Variants in AGAP1 observed in about 807,000 individuals in gnomAD.
AGAP1 encodes the protein arf-GAP with GTPase, ANK repeat and PH domain-containing protein 1.
AGAP1 carries 29 observed loss-of-function variants against 105.3 expected under a neutral mutation model. The ratio of observed to expected loss-of-function variants is 0.28; its 90% confidence interval spans 0.21 to 0.38. The LOEUF (loss-of-function observed/expected upper bound fraction) is 0.38. Ranked by LOEUF, AGAP1 falls within the 10% of genes least tolerant of loss-of-function variation. AGAP1 has a pLI of 1.00. For missense variants in AGAP1, 998 were observed against 1,165.1 expected, an observed-to-expected ratio of 0.86 and a Z score of 2.09; for synonymous variants, 509 against 485.9, an observed-to-expected ratio of 1.05 and a Z score of -0.63.
chr2:235,903,953 T>A (rs1480378634), intron 10 of AGAP1, among the ~76,000 whole-genome samples: 1 of 151,942 alleles, frequency 6.6e-6, no homozygotes, highest in African/African-American at 2.4e-5. Flanking sequence ...CGCGTCCTTC[T>A]CCAAAGGCAG....
chr2:236,067,380 CTTT>C (rs2058374214), intron 16 of AGAP1, among the ~76,000 whole-genome samples: 1 of 152,070 alleles, frequency 6.6e-6, no homozygotes, highest in Non-Finnish European at 1.5e-5. Flanking sequence ...AATCACTACG[CTTT>C]TAAAGGAGAA....
At chr2:235,859,464 C>CG (rs1188262055) in intron 9 of AGAP1, among the ~76,000 whole-genome samples, 1 of 143,668 alleles carries the variant, frequency 7.0e-6, no homozygotes, top group Admixed American at 7.5e-5. Context: ...AAACGACACA[C>CG]TATTTTGGAT....
rs2055179946 is a variant in AGAP1, at chr2:235,983,450, C to T, written c.1645+14827C>T. ...TTTTCCTGTAAGACTGTCCTTGCTTCTCTTGTTTAATTTCTTTTTTCTTCT... is the reference window on the plus strand; with the variant it reads ...TTTTCCTGTAAGACTGTCCTTGCTTTTCTTGTTTAATTTCTTTTTTCTTCT... On this transcript the variant is annotated intron_variant, in intron 13 of 17. Coordinates refer to ENST00000304032, the MANE Select transcript of AGAP1 (RefSeq NM_001037131.3). This position sits in a 1 kb window ranked among gnomAD's most constrained non-coding sequence, Gnocchi z 4.5. Among the ~76,000 whole-genome samples, 1 of 152,158 alleles carries T rather than the reference C, an allele frequency of 6.6e-6. No homozygotes were observed.
chr2:235,535,269 C>T lies in AGAP1; in HGVS notation c.163+40420C>T, dbSNP rs1943173629. ...CCCTCGCTGCTGCCTCCCGTTTCAT[C>T]TGCACGTCTCTTTCAATGCGGGCGT... is the stretch of plus-strand genomic sequence containing the variant. On this transcript the variant is annotated intron_variant, in intron 1 of 17. Coordinates refer to ENST00000304032, the MANE Select transcript of AGAP1 (RefSeq NM_001037131.3). The surrounding 1 kb of genome is among the most constrained non-coding windows in gnomAD (Gnocchi z 5.1). Among the ~76,000 whole-genome samples, 1 of 152,164 alleles carries T rather than the reference C, an allele frequency of 6.6e-6. No homozygotes were observed. The highest frequency in any genetic ancestry group is 2.4e-5 in the African/African-American group (1 of 41,450).
At chr2:235,839,113 C>G (rs1960504925) in intron 9 of AGAP1, among the ~76,000 whole-genome samples, 1 of 152,222 alleles carries the variant, frequency 6.6e-6, no homozygotes, top group African/African-American at 2.4e-5. Context: ...GCCCATGCCA[C>G]TGCTCTCCCC....
In AGAP1 at chr2:235,790,631, A is replaced by G. The variant is rs1401660047; in HGVS notation, c.674-7128A>G. On this transcript the variant is annotated intron_variant, in intron 6 of 17. Transcript: ENST00000304032. ...CTTCACACTTGCCACTCTTCTCTGC[A>G]TATCAGGTCCTTAGAAATGCATTTC... Among the ~76,000 whole-genome samples, 8 of 152,204 alleles carry G rather than the reference A, an allele frequency of 5.3e-5. No homozygotes were observed. The East Asian group carries it at 9.6e-4, about 18-fold the overall frequency.
At chr2:235,856,492 G>A (rs2048690730) in intron 9 of AGAP1, among the ~76,000 whole-genome samples, 1 of 152,198 alleles carries the variant, frequency 6.6e-6, no homozygotes, top group Non-Finnish European at 1.5e-5. Flanking sequence ...GCTTAAACTT[G>A]GGCCCTTGAG....
At chr2:235,763,462 T>C (rs2696405) in intron 6 of AGAP1, among the ~76,000 whole-genome samples, 42,588 of 152,050 alleles carry the variant, frequency 0.28, 6,289 homozygotes, top group Admixed American at 0.41. Flanking sequence ...ATTTGGTTGG[T>C]TTTTTATCCC....
chr2:235,658,415 G>C (rs1050371013), intron 1 of AGAP1, among the ~76,000 whole-genome samples: 1 of 152,190 alleles, frequency 6.6e-6, no homozygotes, highest in Non-Finnish European at 1.5e-5. Flanking sequence ...AGAATGCTTC[G>C]GACGGGAAGA....
At position 235,596,064 on chromosome 2, in the gene AGAP1, T is replaced by C. The variant is rs1250238067; in HGVS notation, c.163+101215T>C. On this transcript the variant is annotated intron_variant, in intron 1 of 17. Coordinates refer to ENST00000304032, the MANE Select transcript of AGAP1 (RefSeq NM_001037131.3). The surrounding 1 kb of genome is among the most constrained non-coding windows in gnomAD (Gnocchi z 5.9). ...GAAAATCGCAGCCCTGTGAATTGTG[T>C]GCCCTAAGAGCCAGCTGTGCTCCTA... Among the ~76,000 whole-genome samples the C allele has an allele frequency of 1.3e-5, 2 of 152,218 alleles. No individual in the cohort carries two copies. The highest frequency in any genetic ancestry group is 2.9e-5 in the Non-Finnish European group (2 of 68,044).
intron 16 of AGAP1, among the ~76,000 whole-genome samples, chr2:236,066,485 C>A (rs2058349207): frequency 6.6e-6 from 1 of 152,160 alleles, no homozygotes. Context: ...GTCGGCCTCC[C>A]AAAGTGCTGG....
rs112968637 is a variant in AGAP1 at position 235,799,445 on chromosome 2, C to G, written c.880C>G (p.Arg294Gly). 1.9e-6 allele frequency: 3 copies of G among 1,614,116 alleles called. No individual in the cohort carries two copies. The highest frequency in any genetic ancestry group is 2.5e-6 in the Non-Finnish European group (3 of 1,180,032). ...STPSTSQKEL[R>G]IDVPPTANTP... ...TCCCAGCACCAGCCAGAAGGAACTT[C>G]GGATCGATGTTCCTCCCACTGCCAA... Residue 294 changes from arginine (R) to glycine (G), a missense_variant, in exon 8 of 18, where the codon CGG (arginine) becomes GGG (glycine). Around this residue, in one of 3 missense-constraint regions of AGAP1, gnomAD observed 735 missense variants for 833.4 expected, o/e 0.88. Transcript: ENST00000304032. This position sits in a 1 kb window ranked among gnomAD's most constrained non-coding sequence, Gnocchi z 5.0.
At chr2:235,500,987 C>T (rs1442493734) in intron 1 of AGAP1, among the ~76,000 whole-genome samples, 1 of 152,164 alleles carries the variant, frequency 6.6e-6, no homozygotes, top group Non-Finnish European at 1.5e-5. Flanking sequence ...AACCTTAACA[C>T]CAATCAAAGA....
chr2:235,908,817 G>A lies in AGAP1; in HGVS notation c.1235G>A (p.Arg412Gln), dbSNP rs761477169. The change falls in exon 11 of 18, where the codon CGA (arginine) becomes CAA (glutamine). Residue 412 changes from arginine to glutamine, a missense_variant. Arg to Gln is a conservative substitution (Grantham distance 43). Transcript: ENST00000304032. The surrounding 1 kb of genome is among the most constrained non-coding windows in gnomAD (Gnocchi z 4.4). ...AAAGTCCCAGGGAAGAGGCCACCCC[G>A]AGCCACGTCAGCCTGCGCACCCATC... ...TVKVPGKRPP[R>Q]ATSACAPISS... 6 of 1,613,824 alleles carry A rather than the reference G, an allele frequency of 3.7e-6. No individual in the cohort carries two copies. The highest frequency in any genetic ancestry group is 2.2e-5 in the South Asian group (2 of 91,044).
chr2:236,036,845 A>G lies in AGAP1; in HGVS notation c.1800+130A>G, dbSNP rs2057398278. The G allele has an allele frequency of 7.3e-7, 1 of 1,375,802 alleles. No individual in the cohort carries two copies. Among genetic ancestry groups the G allele is most frequent in the Non-Finnish European group, 9.7e-7 (1 of 1,031,792 alleles). 85.2% of individuals were successfully genotyped at this position (1,375,802 alleles called of 1,614,324 possible). ...CAGGACCTAGCTATTCTTTATGAGC[A>G]GAAAGCTCAATAACTAAAACGATCA... is the stretch of plus-strand genomic sequence containing the variant. On this transcript the variant is annotated intron_variant, in intron 14 of 17. Coordinates refer to ENST00000304032, the MANE Select transcript of AGAP1 (RefSeq NM_001037131.3). The surrounding 1 kb of genome is among the most constrained non-coding windows in gnomAD (Gnocchi z 5.7).
At chr2:235,928,357 G>A (rs962812932) in intron 11 of AGAP1, among the ~76,000 whole-genome samples, 7 of 152,210 alleles carry the variant, frequency 4.6e-5, no homozygotes, top group African/African-American at 9.6e-5. Context: ...ACAGGACAGT[G>A]CAGGCACCAG....
intron 1 of AGAP1, among the ~76,000 whole-genome samples, chr2:235,526,483 T>C (rs192919313): frequency 7.9e-5 from 12 of 152,356 alleles, no homozygotes; most frequent in African/African-American, 2.4e-4. Flanking sequence ...GTGAATTAGA[T>C]TTTTAGTTTT....
chr2:235,674,743 G>C (rs1464844217), intron 1 of AGAP1, among the ~76,000 whole-genome samples: 1 of 148,194 alleles, frequency 6.7e-6, no homozygotes, highest in Non-Finnish European at 1.5e-5. Flanking sequence ...AGGCTGGAGT[G>C]CAGTGAGCGA....
At chr2:236,037,869 A>G (rs941609662) in intron 14 of AGAP1, among the ~76,000 whole-genome samples, 5 of 152,300 alleles carry the variant, frequency 3.3e-5, no homozygotes, top group Admixed American at 6.5e-5. Flanking sequence ...ATTTCAGACT[A>G]TGATCAACTA....
Sources: allele counts gnomAD v4.1 joint callset (sites outside exome capture counted in the v4.1 genomes callset), GRCh38; gene constraint gnomAD v4.1.1; regional missense constraint gnomAD v4.1.1; non-coding constraint Gnocchi (gnomAD v3.1); transcripts MANE v1.5; gene names NCBI Gene and HGNC (gene_info 2026-07-23, HGNC 2026-07-21).